The following UNC13C variants were observed in gnomAD, a reference collection of about 807,000 sequenced individuals.
UNC13C encodes the protein unc-13 homolog C, also known as protein unc-13 homolog C.
UNC13C carries 174 observed loss-of-function variants against 245.4 expected under a neutral mutation model. That is an observed-to-expected ratio of 0.71 (90% CI 0.63 to 0.80). The LOEUF (loss-of-function observed/expected upper bound fraction) is 0.80, where lower values mean the gene tolerates loss of function less well. Among genes scored for constraint, UNC13C ranks in the 30% least tolerant of loss-of-function variants. The pLI is 0.00. For synonymous variants in UNC13C, 992 were observed against 895.1 expected (o/e 1.11, Z -1.93); for missense variants, 2,829 against 2,602.9 (o/e 1.09, Z -1.89).
intron 4 of UNC13C, among the ~76,000 whole-genome samples, chr15:54,181,080 C>G (rs2141302559): frequency 6.6e-6 from 1 of 152,050 alleles, no homozygotes; most frequent in South Asian, 2.1e-4. Context: ...AGGCTGATAT[C>G]TAGAATGGTG....
chr15:53,951,582 C>G, the UNC13C span, among the ~76,000 whole-genome samples: 1 of 152,184 alleles, frequency 6.6e-6, no homozygotes, highest in African/African-American at 2.4e-5. Context: ...CTCCTAATCC[C>G]ACAGATAAGG....
At chr15:54,406,321 C>G (rs753945920) in intron 18 of UNC13C, among the ~76,000 whole-genome samples, 2 of 152,122 alleles carry the variant, frequency 1.3e-5, no homozygotes, top group Non-Finnish European at 2.9e-5. Context: ...ATGCTTCTTT[C>G]TTTCCTTTTG....
rs184876460 is a variant in UNC13C at position 54,424,232 on chromosome 15, G to A, written c.4933+9165G>A. Reference sequence around the variant, plus strand: ...AAAAAAAATAGCTGTGACTATTTTTGTAATATTTCGGTAAAAAAATCTGTG... The same window carrying A: ...AAAAAAAATAGCTGTGACTATTTTTATAATATTTCGGTAAAAAAATCTGTG... On this transcript the variant is annotated intron_variant, in intron 19 of 32. Coordinates refer to ENST00000260323, the MANE Select transcript of UNC13C (RefSeq NM_001080534.3). Among the ~76,000 whole-genome samples, 376 of 151,776 alleles carry A rather than the reference G, an allele frequency of 2.5e-3. 2 individuals are homozygous for A. Among genetic ancestry groups the A allele is most frequent in the African/African-American group, 8.6e-3 (357 of 41,472 alleles).
intron 22 of UNC13C, among the ~76,000 whole-genome samples, chr15:54,506,247 A>G (rs1894468823): frequency 6.6e-6 from 1 of 152,190 alleles, no homozygotes; most frequent in South Asian, 2.1e-4. Flanking sequence ...TGTGTATGCA[A>G]TACAATATAA....
chr15:54,220,746 C>A (rs922626680), intron 4 of UNC13C, among the ~76,000 whole-genome samples: 2 of 151,648 alleles, frequency 1.3e-5, no homozygotes, highest in African/African-American at 4.8e-5. Flanking sequence ...CACTTTTTGA[C>A]TGTTTTAGTG....
intron 2 of UNC13C, among the ~76,000 whole-genome samples, chr15:54,058,105 T>G (rs1336672980): frequency 6.6e-6 from 1 of 151,950 alleles, no homozygotes. Context: ...AAGAAATAAC[T>G]AAGATCAGAG....
At chr15:54,140,626 T>C (rs1260483049) in intron 2 of UNC13C, among the ~76,000 whole-genome samples, 2 of 152,168 alleles carry the variant, frequency 1.3e-5, no homozygotes, top group Non-Finnish European at 2.9e-5. Flanking sequence ...TCCATGAGGA[T>C]GGAGAACAGT....
the UNC13C span, among the ~76,000 whole-genome samples, chr15:53,934,613 G>C: frequency 1.3e-5 from 2 of 152,132 alleles, no homozygotes; most frequent in Non-Finnish European, 2.9e-5. Flanking sequence ...TCAAATAGTC[G>C]TAGAAGGTAT....
At chr15:53,970,743 C>T in the UNC13C span, among the ~76,000 whole-genome samples, 33 of 152,170 alleles carry the variant, frequency 2.2e-4, no homozygotes, top group African/African-American at 5.5e-4. Flanking sequence ...TTAATACTTA[C>T]GTGTTGCGTT....
intron 17 of UNC13C, among the ~76,000 whole-genome samples, chr15:54,387,056 T>C (rs1224389172): frequency 6.6e-6 from 1 of 152,202 alleles, no homozygotes; most frequent in Non-Finnish European, 1.5e-5. Flanking sequence ...TAGGTTCTAC[T>C]TCTAAACTGA....
chr15:54,259,393 C>A (rs2036364947), intron 8 of UNC13C, among the ~76,000 whole-genome samples: 1 of 152,172 alleles, frequency 6.6e-6, no homozygotes, highest in Non-Finnish European at 1.5e-5. Flanking sequence ...GCTGGTGAGG[C>A]CTAACAGTCA....
At chr15:54,032,491 T>C (rs1454008701) in intron 2 of UNC13C, among the ~76,000 whole-genome samples, 1 of 152,200 alleles carries the variant, frequency 6.6e-6, no homozygotes, top group Non-Finnish European at 1.5e-5. Flanking sequence ...TATTTTGTCA[T>C]AATCTATTTA....
chr15:54,108,054 C>G (rs548031440), intron 2 of UNC13C, among the ~76,000 whole-genome samples: 2 of 152,124 alleles, frequency 1.3e-5, no homozygotes, highest in Admixed American at 6.5e-5. Context: ...TTTCAAGTGT[C>G]TAACAATATA....
chr15:54,511,951 T>C, intron 24 of UNC13C, 121 bp downstream of exon 24: 2 of 704,164 alleles, frequency 2.8e-6, no homozygotes, highest in South Asian at 1.7e-5. Flanking sequence ...CAGGAAATGA[T>C]AATAATCTCA....
At chr15:54,199,194 T>C (rs920158842) in intron 4 of UNC13C, among the ~76,000 whole-genome samples, 1 of 152,138 alleles carries the variant, frequency 6.6e-6, no homozygotes, top group African/African-American at 2.4e-5. Flanking sequence ...TTCAGGACTA[T>C]GTTAAAAGTC....
intron 17 of UNC13C, among the ~76,000 whole-genome samples, chr15:54,391,321 G>T (rs541255730): frequency 6.6e-6 from 1 of 152,084 alleles, no homozygotes; most frequent in African/African-American, 2.4e-5. Context: ...AACTCACCAG[G>T]TTATCTGGAT....
intron 19 of UNC13C, among the ~76,000 whole-genome samples, chr15:54,473,006 C>T (rs1892540371): frequency 6.6e-6 from 1 of 151,454 alleles, no homozygotes; most frequent in African/African-American, 2.4e-5. Flanking sequence ...CCCTCTTTTC[C>T]CTCTCTCCCC....
At chr15:54,058,238 G>C (rs1377493568) in intron 2 of UNC13C, among the ~76,000 whole-genome samples, 2 of 152,054 alleles carry the variant, frequency 1.3e-5, no homozygotes, top group Non-Finnish European at 2.9e-5. Flanking sequence ...GAAGAAAAGA[G>C]AGAAGAATCA....
At chr15:54,250,755 T>TTTC (rs2036128469) in intron 8 of UNC13C, among the ~76,000 whole-genome samples, 2 of 124,836 alleles carry the variant, frequency 1.6e-5, no homozygotes, top group African/African-American at 6.2e-5. Flanking sequence ...CTTTCTTTTT[T>TTTC]TTTTTTTTTT....
Sources: gnomAD v4.1 joint callset for allele counts (sites outside exome capture counted in the v4.1 genomes callset) on GRCh38, gnomAD v4.1.1 for gene constraint, MANE v1.5 for transcripts, NCBI Gene and HGNC (gene_info 2026-07-23, HGNC 2026-07-21) for gene names.